Variants in CACNA1D observed in about 807,000 individuals in gnomAD.
CACNA1D encodes the protein calcium voltage-gated channel subunit alpha1 D.
A neutral mutation model predicts 257.1 loss-of-function variants in CACNA1D; 55 were observed. The observed-to-expected ratio is 0.21, with a 90% confidence interval of 0.17 to 0.27. The LOEUF (loss-of-function observed/expected upper bound fraction) is 0.27, where lower values mean the gene tolerates loss of function less well. CACNA1D is among the 10% of genes least tolerant of loss of function. CACNA1D has a pLI of 1.00. For missense variants in CACNA1D, 1,876 were observed against 2,784.0 expected, an observed-to-expected ratio of 0.67 and a Z score of 7.34; for synonymous variants, 980 against 1,014.9, an observed-to-expected ratio of 0.97 and a Z score of 0.65.
At chr3:53,664,340 T>C (rs972543566) in intron 5 of CACNA1D, among the ~76,000 whole-genome samples, 8 of 152,096 alleles carry the variant, frequency 5.3e-5, no homozygotes, top group African/African-American at 1.9e-4. Context: ...AGTTGCTGAG[T>C]TCTGGTCTCA....
chr3:53,647,697 T>G (rs978591971), intron 3 of CACNA1D, among the ~76,000 whole-genome samples: 1 of 152,242 alleles, frequency 6.6e-6, no homozygotes, highest in Non-Finnish European at 1.5e-5. Flanking sequence ...TTTGCAAGAT[T>G]TAAAAATAAT....
At chr3:53,707,189 C>T (rs1280067902) in intron 9 of CACNA1D, among the ~76,000 whole-genome samples, 2 of 152,054 alleles carry the variant, frequency 1.3e-5, no homozygotes, top group African/African-American at 2.4e-5. Flanking sequence ...CATGCGTCTG[C>T]GATGCCCAAC....
At position 53,793,285 on chromosome 3, in the gene CACNA1D, T is replaced by A. The variant is rs1326135576; in HGVS notation, c.4923+6333T>A. 6.6e-6 allele frequency among the ~76,000 whole-genome samples: 1 copy of A among 152,160 alleles called. No individual in the cohort carries two copies. Among genetic ancestry groups the A allele is most frequent in the Admixed American group, 6.5e-5 (1 of 15,286 alleles). On this transcript the variant is annotated intron_variant, in intron 40 of 47. Transcript: ENST00000350061. The surrounding 1 kb of genome is among the most constrained non-coding windows in gnomAD (Gnocchi z 4.1). ...GGCAGCACCTGGGTATATTAAGTTA[T>A]AAGAATTTATGAAGAATGTGATGTA...
intron 7 of CACNA1D, among the ~76,000 whole-genome samples, chr3:53,672,810 G>GTGTGTGTA (rs1559496940): frequency 1.5e-5 from 2 of 131,824 alleles, no homozygotes; most frequent in African/African-American, 5.9e-5. Context: ...GTGTGTGTGT[G>GTGTGTGTA]TGTGTGTGTA....
At chr3:53,754,572 C>T (rs913412664) in intron 29 of CACNA1D, among the ~76,000 whole-genome samples, 3 of 152,218 alleles carry the variant, frequency 2.0e-5, no homozygotes, top group East Asian at 1.9e-4. Context: ...TGCGGACTGT[C>T]GGCCACTGCT....
At chr3:53,702,995 G>T (rs145064902) in intron 9 of CACNA1D, among the ~76,000 whole-genome samples, 185 bp downstream of exon 9, 1 of 152,332 alleles carries the variant, frequency 6.6e-6, no homozygotes, top group African/African-American at 2.4e-5. Context: ...CTGGATTTCT[G>T]CCTGAGGTTT....
chr3:53,507,752 T>C (rs549850366), intron 3 of CACNA1D, among the ~76,000 whole-genome samples: 5 of 152,322 alleles, frequency 3.3e-5, no homozygotes, highest in Middle Eastern at 3.4e-3. Context: ...TCATACCTTA[T>C]ACAACGAACC....
rs3774607 is a variant in CACNA1D, at chr3:53,798,338, C to T, written c.4924-1911C>T. Among the ~76,000 whole-genome samples, 945 of 141,718 alleles carry T rather than the reference C, an allele frequency of 6.7e-3. 14 individuals are homozygous for T. Among genetic ancestry groups the T allele is most frequent in the Admixed American group, 0.043 (476 of 11,164 alleles). 93.0% of individuals were successfully genotyped at this position (141,718 alleles called of 152,430 possible). A position where few individuals can be genotyped will look rare whatever the true frequency, so the allele number is the denominator to read the frequency against. ...GTGTGTGTGTGTGTGCGTGTGTGTGCGTGTGTGTGTGCACGTGCACGCACG... is the reference window on the plus strand; with the variant it reads ...GTGTGTGTGTGTGTGCGTGTGTGTGTGTGTGTGTGTGCACGTGCACGCACG... On this transcript the variant is annotated intron_variant, in intron 40 of 47. Transcript: ENST00000350061.
intron 3 of CACNA1D, among the ~76,000 whole-genome samples, chr3:53,564,784 T>A (rs1407594149): frequency 6.6e-6 from 1 of 152,228 alleles, no homozygotes; most frequent in Admixed American, 6.5e-5. Flanking sequence ...AGGCACAGAA[T>A]GTTAAGTGAC....
At position 53,619,073 on chromosome 3, in the gene CACNA1D, A is replaced by C. The variant is rs376655223; in HGVS notation, c.484-31706A>C. The stretch of plus-strand genomic sequence containing the variant: ...GCCAGTGTAACCTCCCTCCATGCAG[A>C]AACAACGCTGTAAAGTATTAGCATA... On this transcript the variant is annotated intron_variant, in intron 3 of 47. Coordinates refer to ENST00000350061, the MANE Select transcript of CACNA1D (RefSeq NM_001128840.3). 1.1e-3 allele frequency among the ~76,000 whole-genome samples: 174 copies of C among 152,266 alleles called. 7 individuals carry two copies. The South Asian group carries it at 0.035, about 31-fold the overall frequency.
rs1181131087 is a variant in CACNA1D at position 53,768,802 on chromosome 3, C to T, written c.3871-1171C>T. 2.0e-5 allele frequency among the ~76,000 whole-genome samples: 3 copies of T among 152,308 alleles called. No homozygotes were observed. In the East Asian group the frequency reaches 5.8e-4, roughly 29 times the overall value. On this transcript the variant is annotated intron_variant, in intron 30 of 47. Coordinates refer to ENST00000350061, the MANE Select transcript of CACNA1D (RefSeq NM_001128840.3). Reference sequence around the variant, plus strand: ...GAGGTAGCCCTTGATGCTAGAGAGGCTTCAGAACTGAGCTCTACCTTTCCC... The same window carrying T: ...GAGGTAGCCCTTGATGCTAGAGAGGTTTCAGAACTGAGCTCTACCTTTCCC...
chr3:53,579,016 C>T (rs1421508828), intron 3 of CACNA1D, among the ~76,000 whole-genome samples: 3 of 152,200 alleles, frequency 2.0e-5, no homozygotes, highest in Non-Finnish European at 2.9e-5. Context: ...ATTCCTCTGA[C>T]AGCCTGTGGC....
Position 53,747,314 on chromosome 3 carries a change from C to T in CACNA1D, c.3180C>T (p.Ile1060=), listed in dbSNP as rs563459422. The T allele has an allele frequency of 2.5e-6, 4 of 1,613,978 alleles. No homozygotes were observed. Among genetic ancestry groups the T allele is most frequent in the Admixed American group, 3.3e-5 (2 of 60,012 alleles). The change falls in exon 26 of 48, where the codon ATC becomes ATT. Residue 1060 remains isoleucine, a synonymous_variant. Transcript: ENST00000350061. ...SNPEECRGLF[I]LYKDGDVDSP... is the part of the protein sequence containing the mutation. ...TTTTCCTCTCCAGGGGACTTTTCATCCTCTACAAGGATGGGGATGTTGACA... is the reference window on the plus strand; with the variant it reads ...TTTTCCTCTCCAGGGGACTTTTCATTCTCTACAAGGATGGGGATGTTGACA...
intron 3 of CACNA1D, among the ~76,000 whole-genome samples, chr3:53,646,207 G>C (rs908890413): frequency 6.6e-6 from 1 of 152,138 alleles, no homozygotes; most frequent in Admixed American, 6.5e-5. Flanking sequence ...AGTTGGAAGA[G>C]GAATCTAGGC....
At chr3:53,639,957 G>T (rs1328503932) in intron 3 of CACNA1D, among the ~76,000 whole-genome samples, 2 of 149,654 alleles carry the variant, frequency 1.3e-5, no homozygotes, top group South Asian at 4.2e-4. Context: ...TGCCTCCCGG[G>T]TTCAAACAAT....
At chr3:53,759,530 A>G (rs1205285343) in intron 29 of CACNA1D, among the ~76,000 whole-genome samples, 1 of 152,212 alleles carries the variant, frequency 6.6e-6, no homozygotes, top group Non-Finnish European at 1.5e-5. Context: ...CCTTGTCAGT[A>G]CTCTGGAGGT....
At chr3:53,542,510 T>G (rs1342687025) in intron 3 of CACNA1D, among the ~76,000 whole-genome samples, 1 of 151,354 alleles carries the variant, frequency 6.6e-6, no homozygotes, top group African/African-American at 2.4e-5. Flanking sequence ...AGCCCAGGAG[T>G]TCAAGGCTGC....
intron 3 of CACNA1D, among the ~76,000 whole-genome samples, chr3:53,549,238 T>A (rs1350396967): frequency 6.6e-6 from 1 of 152,230 alleles, no homozygotes; most frequent in East Asian, 1.9e-4. Context: ...GATGTCACAA[T>A]ACTTTGTGTT....
intron 29 of CACNA1D, among the ~76,000 whole-genome samples, chr3:53,760,139 C>T (rs1461836626): frequency 2.6e-5 from 4 of 152,044 alleles, no homozygotes; most frequent in Admixed American, 6.6e-5. Context: ...TTAGAAACCA[C>T]GGCGGTTGGG....
Sources: gnomAD v4.1 joint callset for allele counts (sites outside exome capture counted in the v4.1 genomes callset) on GRCh38, gnomAD v4.1.1 for gene constraint, Gnocchi (gnomAD v3.1) non-coding constraint, MANE v1.5 for transcripts, NCBI Gene and HGNC (gene_info 2026-07-23, HGNC 2026-07-21) for gene names.